CLSPN: variants seen among roughly 807,000 people sequenced by gnomAD.
The protein encoded by CLSPN is claspin homolog.
CLSPN carries 85 observed loss-of-function variants against 156.3 expected under a neutral mutation model. The observed-to-expected ratio is 0.54, with a 90% confidence interval of 0.46 to 0.65. CLSPN has a LOEUF of 0.65. CLSPN is among the 30% of genes least tolerant of loss of function. CLSPN has a pLI of 0.00. For synonymous variants in CLSPN, 534 were observed against 542.4 expected (o/e 0.98, Z 0.22); for missense variants, 1,407 against 1,554.9 (o/e 0.90, Z 1.60).
rs1641402202 is a variant in CLSPN, at chr1:35,734,668, C to A, written c.*1828G>T. 1.4e-6 allele frequency: 1 copy of A among 712,400 alleles called. No individual in the cohort carries two copies. The allele number at this position is 712,400 out of a possible 1,614,324, so 44.1% of individuals were successfully genotyped here. ...ATTCCAGCCTAGGTGACAGAGCCAGCCTATGTCTCAAAAAAAAAAAAAGAA... is the reference window on the plus strand; with the variant it reads ...ATTCCAGCCTAGGTGACAGAGCCAGACTATGTCTCAAAAAAAAAAAAAGAA... On this transcript the variant is annotated 3_prime_UTR_variant, in exon 25 of 25. Coordinates refer to ENST00000318121, the MANE Select transcript of CLSPN (RefSeq NM_022111.4).
At chr1:35,766,254 CA>C (rs947372317) in intron 1 of CLSPN, among the ~76,000 whole-genome samples, 5 of 151,208 alleles carry the variant, frequency 3.3e-5, no homozygotes, top group African/African-American at 1.2e-4. Flanking sequence ...CTCGGCCTCC[CA>C]AAATGCTGGG....
downstream of CLSPN, among the ~76,000 whole-genome samples, chr1:35,731,244 G>A (rs1248038201): frequency 2.6e-5 from 4 of 151,846 alleles, no homozygotes; most frequent in African/African-American, 4.8e-5. Context: ...GGGTGTTAAT[G>A]GTCAGAGAAG....
Position 35,751,236 on chromosome 1 carries a change from T to C in CLSPN, c.2028+14A>G. Reference sequence around the variant, plus strand: ...ACCATGACAAGGTAACAAAACAACGTAATTGCCAGAAACCTCCTGATTTCC... The same window carrying C: ...ACCATGACAAGGTAACAAAACAACGCAATTGCCAGAAACCTCCTGATTTCC... On this transcript the variant is annotated intron_variant, in intron 10 of 24. Transcript: ENST00000318121. 2 of 1,595,684 alleles carry C rather than the reference T, an allele frequency of 1.3e-6. No individual in the cohort carries two copies. The highest frequency in any genetic ancestry group is 8.5e-7 in the Non-Finnish European group (1 of 1,178,476).
rs1194019756 is a variant in CLSPN at position 35,748,068 on chromosome 1, C to A, written c.2473-7G>T. 2 of 1,595,274 alleles carry A rather than the reference C, an allele frequency of 1.3e-6. No individual in the cohort carries two copies. The highest frequency in any genetic ancestry group is 1.7e-6 in the Non-Finnish European group (2 of 1,174,840). ...CAGACAGTTTCCCTGAACTCTGGCACACAAACAAAAACAAACAATAACAAA... is the reference window on the plus strand; with the variant it reads ...CAGACAGTTTCCCTGAACTCTGGCAAACAAACAAAAACAAACAATAACAAA... On this transcript the variant is annotated splice_region_variant and splice_polypyrimidine_tract_variant and intron_variant, in intron 13 of 24. Coordinates refer to ENST00000318121, the MANE Select transcript of CLSPN (RefSeq NM_022111.4).
intron 6 of CLSPN, among the ~76,000 whole-genome samples, chr1:35,761,794 A>G (rs1322189202): frequency 6.6e-6 from 1 of 152,224 alleles, no homozygotes; most frequent in Non-Finnish European, 1.5e-5. Flanking sequence ...CCTTACCTGC[A>G]CTACAGTTCT....
chr1:35,760,755 A>G lies in CLSPN; in HGVS notation c.1166T>C (p.Ile389Thr). The G allele has an allele frequency of 6.2e-7, 1 of 1,613,940 alleles. No homozygotes were observed. The highest frequency in any genetic ancestry group is 8.5e-7 in the Non-Finnish European group (1 of 1,180,040). The change falls in exon 8 of 25, where the codon ATC (isoleucine) becomes ACC (threonine). Residue 389 changes from isoleucine to threonine, a missense_variant. Coordinates refer to ENST00000318121, the MANE Select transcript of CLSPN (RefSeq NM_022111.4). ...GCAAGACTCATCTGATCCAGTAATG[A>G]TCTGGGTTTCCTTTGAAACTACAGG... is the stretch of plus-strand genomic sequence containing the variant. Reference protein sequence around the residue: ...ALPVVSKETQIITGSDESCRK... With the variant: ...ALPVVSKETQTITGSDESCRK...
chr1:35,745,353 A>G, intron 16 of CLSPN, 98 bp downstream of exon 16: 1 of 811,626 alleles, frequency 1.2e-6, no homozygotes, highest in Non-Finnish European at 2.1e-6. Flanking sequence ...ATCCACTGCA[A>G]GATTCTCAGA....
At position 35,732,774 on chromosome 1, in the gene CLSPN, C is replaced by T; in HGVS notation, c.*3722G>A. 5 of 985,354 alleles carry T rather than the reference C, an allele frequency of 5.1e-6. No individual in the cohort carries two copies. Among genetic ancestry groups the T allele is most frequent in the Non-Finnish European group, 6.0e-6 (5 of 829,920 alleles). The allele number at this position is 985,354 out of a possible 1,614,324, so 61.0% of individuals were successfully genotyped here. A position where few individuals can be genotyped will look rare whatever the true frequency, so the allele number is the denominator to read the frequency against. On this transcript the variant is annotated 3_prime_UTR_variant, in exon 25 of 25. Coordinates refer to ENST00000318121, the MANE Select transcript of CLSPN (RefSeq NM_022111.4). ...ATTAAAACATAACTGATGCTGCTGG[C>T]TCAGTGCTTTGGGCAAAGGGCATAT...
downstream of CLSPN, among the ~76,000 whole-genome samples, chr1:35,731,029 G>A (rs563537810): frequency 1.3e-5 from 2 of 151,796 alleles, no homozygotes; most frequent in South Asian, 2.1e-4. Context: ...GTGAAACCCC[G>A]TCTCTACTGA....
chr1:35,760,394 C>T lies in CLSPN; in HGVS notation c.1527G>A (p.Arg509=). 1 of 1,614,158 alleles carries T rather than the reference C, an allele frequency of 6.2e-7. No individual in the cohort carries two copies. The highest frequency in any genetic ancestry group is 8.5e-7 in the Non-Finnish European group (1 of 1,180,012). ...QLGVDVSIKP[R]LGADEDSFVI... ...CAAAGGAATCTTCATCAGCACCTAG[C>T]CGTGGTTTAATGGAAACATCTACTC... Residue 509 remains arginine (R), a synonymous_variant, in exon 8 of 25, where the codon CGG becomes CGA. Transcript: ENST00000318121.
chr1:35,721,626 G>T (rs1034064059), intron 24 of CLSPN, among the ~76,000 whole-genome samples: 1 of 152,068 alleles, frequency 6.6e-6, no homozygotes, highest in African/African-American at 2.4e-5. Flanking sequence ...GACCTCAAAT[G>T]ATCTGCCCGC....
intron 24 of CLSPN, among the ~76,000 whole-genome samples, chr1:35,725,301 G>A (rs1015936163): frequency 9.9e-5 from 15 of 152,082 alleles, no homozygotes; most frequent in Non-Finnish European, 1.6e-4. Context: ...AAGAATGAAA[G>A]GTAATATAAA....
intron 18 of CLSPN, among the ~76,000 whole-genome samples, chr1:35,741,249 C>T (rs1042945756): frequency 6.6e-6 from 1 of 152,104 alleles, no homozygotes; most frequent in Non-Finnish European, 1.5e-5. Context: ...TTAAGGGGAA[C>T]AAACTAACTT....
intron 8 of CLSPN, among the ~76,000 whole-genome samples, chr1:35,754,365 G>A (rs764892833): frequency 6.6e-6 from 1 of 151,980 alleles, no homozygotes; most frequent in Non-Finnish European, 1.5e-5. Context: ...TTTGTTTTGA[G>A]ATGCAGTCTC....
Position 35,764,700 on chromosome 1 carries a change from T to C in CLSPN, c.148A>G (p.Ile50Val). Reference sequence around the variant, plus strand: ...TTTTTCAACTTCTTACTTACAAATATCTCTTCATCTGAATCTGGAGGAAAC... The same window carrying C: ...TTTTTCAACTTCTTACTTACAAATACCTCTTCATCTGAATCTGGAGGAAAC... Reference protein sequence around the residue: ...PLSEGDSDEEIFVSKKLKNRK... With the variant: ...PLSEGDSDEEVFVSKKLKNRK... Residue 50 changes from isoleucine to valine, a missense_variant, in exon 3 of 25, where the codon ATA becomes GTA. Physicochemically the swap from Ile to Val is conservative, Grantham distance 29. This residue lies in a region of CLSPN where 1,096 missense variants were observed against 1,193.0 expected (regional missense o/e 0.92). Transcript: ENST00000318121. 2 of 1,573,716 alleles carry C rather than the reference T, an allele frequency of 1.3e-6. No homozygotes were observed. Among genetic ancestry groups the C allele is most frequent in the Non-Finnish European group, 1.7e-6 (2 of 1,166,118 alleles).
chr1:35,748,793 C>G, intron 12 of CLSPN, 189 bp from the exon 13 acceptor site: 1 of 528,828 alleles, frequency 1.9e-6, no homozygotes. Context: ...GGGCTTATTA[C>G]TCTGAGCTAA....
intron 5 of CLSPN, 148 bp downstream of exon 5, chr1:35,762,256 C>A: frequency 1.2e-6 from 1 of 808,918 alleles, no homozygotes; most frequent in Non-Finnish European, 2.0e-6. Context: ...TTGTTCAATC[C>A]AATCCATATT....
chr1:35,734,028 G>A lies in CLSPN; in HGVS notation c.*2468C>T. On this transcript the variant is annotated 3_prime_UTR_variant, in exon 25 of 25. Transcript: ENST00000318121. ...AGCTATAATAGAAGGTACCATTTATGTAAACTCAATTATCCTCTTCACCTG... is the reference window on the plus strand; with the variant it reads ...AGCTATAATAGAAGGTACCATTTATATAAACTCAATTATCCTCTTCACCTG... 1.0e-6 allele frequency: 1 copy of A among 985,408 alleles called. No individual in the cohort carries two copies. Among genetic ancestry groups the A allele is most frequent in the Non-Finnish European group, 1.2e-6 (1 of 829,894 alleles). 61.0% of individuals were successfully genotyped at this position (985,408 alleles called of 1,614,324 possible).
rs369094405 is a variant in CLSPN, at chr1:35,749,788, A to G, written c.2052T>C (p.Ser684=). The G allele has an allele frequency of 1.9e-6, 3 of 1,613,846 alleles. No individual in the cohort carries two copies. Among genetic ancestry groups the G allele is most frequent in the East Asian group, 4.5e-5 (2 of 44,856 alleles). The change falls in exon 11 of 25, where the codon AGT becomes AGC. Residue 684 remains serine, a synonymous_variant. Transcript: ENST00000318121. Reference sequence around the variant, plus strand: ...TTTCATCTTTTGTTTCTATTTCTTCACTACTAAGAAGGAATTCTGCAGTCT... The same window carrying G: ...TTTCATCTTTTGTTTCTATTTCTTCGCTACTAAGAAGGAATTCTGCAGTCT... The part of the protein sequence containing the change: ...NQETAEFLLS[S]EEIETKDEKE...
Sources: allele counts gnomAD v4.1 joint callset (sites outside exome capture counted in the v4.1 genomes callset), GRCh38; gene constraint gnomAD v4.1.1; regional missense constraint gnomAD v4.1.1; transcripts MANE v1.5; gene names NCBI Gene and HGNC (gene_info 2026-07-23, HGNC 2026-07-21).